TMX2: variants seen among roughly 807,000 people sequenced by gnomAD.
TMX2 encodes thioredoxin related transmembrane protein 2.
TMX2 carries 20 observed loss-of-function variants against 33.4 expected under a neutral mutation model. The ratio of observed to expected loss-of-function variants is 0.60; its 90% CI spans 0.42 to 0.87. TMX2 has a LOEUF of 0.87. TMX2 is among the 40% of genes least tolerant of loss of function. TMX2 has a pLI of 0.00. For synonymous variants in TMX2, 166 were observed against 140.7 expected (o/e 1.18, Z -1.27); for missense variants, 340 against 370.7 (o/e 0.92, Z 0.68).
intron 1 of TMX2, among the ~76,000 whole-genome samples, chr11:57,715,382 C>T (rs1026306659): frequency 6.6e-6 from 1 of 151,746 alleles, no homozygotes; most frequent in African/African-American, 2.4e-5. Context: ...GCCTGGGCAA[C>T]AAGAGCAAAG....
At chr11:57,719,772 C>G (rs747410860) in intron 1 of TMX2, among the ~76,000 whole-genome samples, 25 of 151,948 alleles carry the variant, frequency 1.6e-4, no homozygotes, top group Non-Finnish European at 3.4e-4. Context: ...TTTCCCTCAG[C>G]CTCCCAAAGT....
At chr11:57,731,418 G>C (rs1948395715) in intron 1 of TMX2, among the ~76,000 whole-genome samples, 1 of 141,522 alleles carries the variant, frequency 7.1e-6, no homozygotes, top group Non-Finnish European at 1.5e-5. Context: ...GCAAGGGTGA[G>C]ACACCGCACC....
Position 57,735,581 on chromosome 11 carries a change from C to T in TMX2, c.190-2027C>T, listed in dbSNP as rs1259290074. Among the ~76,000 whole-genome samples, 5 of 152,136 alleles carry T rather than the reference C, an allele frequency of 3.3e-5. No individual in the cohort carries two copies. The South Asian group carries it at 6.2e-4, about 19-fold the overall frequency. The stretch of plus-strand genomic sequence containing the variant: ...CTGTCAGGCAGGGAAGCATAGCCTC[C>T]GCTCAGAAGCTAAAAACAGACACTT... On this transcript the variant is annotated intron_variant, in intron 1 of 7. Coordinates refer to ENST00000278422, the MANE Select transcript of TMX2 (RefSeq NM_015959.4).
intron 1 of TMX2, among the ~76,000 whole-genome samples, chr11:57,731,630 G>A (rs1041360704): frequency 6.6e-6 from 1 of 151,988 alleles, no homozygotes; most frequent in Non-Finnish European, 1.5e-5. Flanking sequence ...ATTTTACAGA[G>A]TTTGACTCTT....
At chr11:57,726,617 A>C (rs1282274030) in intron 1 of TMX2, among the ~76,000 whole-genome samples, 1 of 152,210 alleles carries the variant, frequency 6.6e-6, no homozygotes, top group Non-Finnish European at 1.5e-5. Flanking sequence ...AGGAAAAAAC[A>C]CTGTAGAATT....
chr11:57,724,040 G>A (rs1253049959), intron 1 of TMX2, among the ~76,000 whole-genome samples: 1 of 151,946 alleles, frequency 6.6e-6, no homozygotes, highest in East Asian at 1.9e-4. Flanking sequence ...GTTCCATTTT[G>A]TAGATTGGTA....
intron 1 of TMX2, among the ~76,000 whole-genome samples, chr11:57,729,214 C>T (rs1948196678): frequency 6.6e-6 from 1 of 152,154 alleles, no homozygotes; most frequent in Non-Finnish European, 1.5e-5. Context: ...TATGGCACCT[C>T]TACTTGCCAG....
intron 1 of TMX2, among the ~76,000 whole-genome samples, 175 bp from the exon 2 acceptor site, chr11:57,737,433 A>G (rs1455767946): frequency 1.3e-5 from 2 of 152,212 alleles, no homozygotes; most frequent in Non-Finnish European, 2.9e-5. Flanking sequence ...TAGAACCTGA[A>G]TCCAGGTCTT....
At position 57,726,573 on chromosome 11, in the gene TMX2, C is replaced by T. The variant is rs1948010580; in HGVS notation, c.190-11035C>T. 2.0e-5 allele frequency among the ~76,000 whole-genome samples: 3 copies of T among 152,042 alleles called. No individual in the cohort carries two copies. In the South Asian group the frequency reaches 6.2e-4, roughly 31 times the overall value. ...AAACAATTGACTATAAGTCTTTTGA[C>T]TCTTAAGGCCCTCAGCCATAGGGAG... On this transcript the variant is annotated intron_variant, in intron 1 of 7. Transcript: ENST00000278422.
chr11:57,718,372 GT>G (rs1947319180), intron 1 of TMX2: 1 of 1,486,298 alleles, frequency 6.7e-7, no homozygotes, highest in East Asian at 2.3e-5. Context: ...GAATAATTCT[GT>G]GAAAGCAGGA....
At chr11:57,725,223 T>TA (rs778814661) in intron 1 of TMX2, among the ~76,000 whole-genome samples, 22 of 152,240 alleles carry the variant, frequency 1.4e-4, no homozygotes, top group East Asian at 7.7e-4. Flanking sequence ...CCTGACTTTT[T>TA]AAGTGCAGAT....
rs182475081 is a variant in TMX2 at position 57,719,374 on chromosome 11, T to C, written c.189+6567T>C. Among the ~76,000 whole-genome samples the C allele has an allele frequency of 3.3e-5, 5 of 151,770 alleles. No homozygotes were observed. In the East Asian group the frequency reaches 9.7e-4, roughly 29 times the overall value. On this transcript the variant is annotated intron_variant, in intron 1 of 7. Transcript: ENST00000278422. ...TTAAAGGCTTTCTGCTTTTTCTCTT[T>C]TGGATCTCATGCCCTGGGAAATTTT... is the stretch of plus-strand genomic sequence containing the variant.
Position 57,728,539 on chromosome 11 carries a change from C to T in TMX2, c.190-9069C>T, listed in dbSNP as rs1264532067. Among the ~76,000 whole-genome samples the T allele has an allele frequency of 3.3e-5, 5 of 152,188 alleles. No individual in the cohort carries two copies. In the South Asian group the frequency reaches 8.3e-4, roughly 25 times the overall value. ...GGAACTGTTAAGTCGTCCTGAGCCC[C>T]GGACCTCCCTTCAAGGGCTGATGGT... On this transcript the variant is annotated intron_variant, in intron 1 of 7. Coordinates refer to ENST00000278422, the MANE Select transcript of TMX2 (RefSeq NM_015959.4).
chr11:57,718,014 G>T, intron 1 of TMX2: 1 of 837,634 alleles, frequency 1.2e-6, no homozygotes. Context: ...ATGGTCTGGT[G>T]GTGAAGACAA....
intron 1 of TMX2, among the ~76,000 whole-genome samples, chr11:57,716,382 C>T (rs1195662510): frequency 1.9e-5 from 2 of 107,260 alleles, no homozygotes; most frequent in Non-Finnish European, 4.1e-5. Flanking sequence ...GGCGGCTGGC[C>T]GGGCGAGGGG....
rs779156406 is a variant in TMX2 at position 57,739,146 on chromosome 11, A to G, written c.630A>G (p.Thr210=). ...TDVSTRYKVS[T]SPLTKQLPTL... ...GGCCCTGCAGGTACAAAGTGAGCAC[A>G]TCACCCCTCACCAAGCAACTCCCTA... Residue 210 remains threonine, a synonymous_variant, in exon 7 of 8, where the codon ACA becomes ACG. Transcript: ENST00000278422. 3.7e-6 allele frequency: 6 copies of G among 1,614,120 alleles called. No homozygotes were observed. The highest frequency in any genetic ancestry group is 1.6e-4 in the Middle Eastern group (1 of 6,062).
At chr11:57,725,972 C>T (rs1003862902) in intron 1 of TMX2, among the ~76,000 whole-genome samples, 1 of 151,870 alleles carries the variant, frequency 6.6e-6, no homozygotes, top group African/African-American at 2.4e-5. Flanking sequence ...AATTATAAGT[C>T]GTGAAGATAA....
chr11:57,718,991 T>C (rs2135489110), intron 1 of TMX2, among the ~76,000 whole-genome samples: 1 of 149,432 alleles, frequency 6.7e-6, no homozygotes, highest in African/African-American at 2.5e-5. Context: ...TGGTCAGAAG[T>C]TGGCTTAACT....
chr11:57,727,038 TATG>T (rs1565223436), intron 1 of TMX2, among the ~76,000 whole-genome samples: 1 of 152,220 alleles, frequency 6.6e-6, no homozygotes, highest in Non-Finnish European at 1.5e-5. Context: ...TCACTGTCTT[TATG>T]ATATTTGTTA....
Sources: gnomAD v4.1 joint callset for allele counts (sites outside exome capture counted in the v4.1 genomes callset) on GRCh38, gnomAD v4.1.1 for gene constraint, MANE v1.5 for transcripts, NCBI Gene and HGNC (gene_info 2026-07-23, HGNC 2026-07-21) for gene names.